Variants in ZNF837 observed in about 807,000 individuals in gnomAD.
The protein encoded by ZNF837 is zinc finger protein 837.
For synonymous variants in ZNF837, 475 were observed against 365.2 expected (o/e 1.30, Z -3.43); for missense variants, 955 against 801.7 (o/e 1.19, Z -2.31).
chr19:58,378,794 T>C lies in ZNF837; in HGVS notation c.-140+2147A>G, dbSNP rs796513267. On this transcript the variant is annotated intron_variant, in intron 1 of 2. Transcript: ENST00000597582. ...CTAATTCCAATGACAGGTGTCCTTA[T>C]GAAGGAGGCAAAGGGAGTTCTGACA... Among the ~76,000 whole-genome samples, 5 of 152,312 alleles carry C rather than the reference T, an allele frequency of 3.3e-5. 1 individual carries two copies. The highest frequency in any genetic ancestry group is 1.2e-4 in the African/African-American group (5 of 41,554).
Position 58,368,152 on chromosome 19 carries a change from G to C in ZNF837, c.1181C>G (p.Pro394Arg), listed in dbSNP as rs2052156331. The change falls in exon 3 of 3, where the codon CCC (proline) becomes CGC (arginine). Residue 394 changes from proline (P) to arginine (R), a missense_variant. Coordinates refer to ENST00000597582, the MANE Select transcript of ZNF837 (RefSeq NM_138466.2). ...VHTGEKPYAC[P>R]ECGKAFNQRS... ...CTGGTTGAAGGCCTTGCCGCACTCG[G>C]GGCACGCGTAGGGCTTCTCGCCGGT... 1 of 1,585,564 alleles carries C rather than the reference G, an allele frequency of 6.3e-7. No homozygotes were observed. Among genetic ancestry groups the C allele is most frequent in the South Asian group, 1.1e-5 (1 of 88,216 alleles).
chr19:58,376,349 G>A (rs1013587108), intron 1 of ZNF837, among the ~76,000 whole-genome samples: 1 of 151,730 alleles, frequency 6.6e-6, no homozygotes, highest in Admixed American at 6.6e-5. Context: ...TCAAGAGATC[G>A]AGACCATCCT....
chr19:58,375,302 ATATATATAT>A (rs2052234900), intron 1 of ZNF837, among the ~76,000 whole-genome samples: 4 of 70,722 alleles, frequency 5.7e-5, no homozygotes, highest in African/African-American at 1.2e-4. Context: ...ATATATATAT[ATATATATAT>A]AAAATTACAT....
At position 58,367,987 on chromosome 19, in the gene ZNF837, C is replaced by A; in HGVS notation, c.1346G>T (p.Cys449Phe). The change falls in exon 3 of 3, where the codon TGC (cysteine) becomes TTC (phenylalanine). Residue 449 changes from cysteine to phenylalanine, a missense_variant. Transcript: ENST00000597582. ...GCGGAAGGTCTTTCCGCACTCGGAGCAGCCATAGGGCCGCTCGCCGGTGTG... is the reference window on the plus strand; with the variant it reads ...GCGGAAGGTCTTTCCGCACTCGGAGAAGCCATAGGGCCGCTCGCCGGTGTG... ...RAHTGERPYG[C>F]SECGKTFRGC... is the part of the protein sequence containing the mutation. 6.5e-7 allele frequency: 1 copy of A among 1,532,312 alleles called. No homozygotes were observed. Among genetic ancestry groups the A allele is most frequent in the African/African-American group, 1.4e-5 (1 of 72,876 alleles). The allele number at this position is 1,532,312 out of a possible 1,614,324, so 94.9% of individuals were successfully genotyped here.
chr19:58,368,895 G>T lies in ZNF837; in HGVS notation c.438C>A (p.Asp146Glu), dbSNP rs1038782452. 6.5e-7 allele frequency: 1 copy of T among 1,548,136 alleles called. No individual in the cohort carries two copies. Among genetic ancestry groups the T allele is most frequent in the African/African-American group, 1.4e-5 (1 of 73,028 alleles). ...GGTTCTGGATCCGCTCCGGACAGGG[G>T]TCACACACGGGTGGCGTCTCCCCAG... Reference protein sequence around the residue: ...APAGETPPVCDPCPERIQNHP... With the variant: ...APAGETPPVCEPCPERIQNHP... Residue 146 changes from aspartate (D) to glutamate (E), a missense_variant, in exon 3 of 3, where the codon GAC becomes GAA. Physicochemically the swap from Asp to Glu is conservative, Grantham distance 45 (BLOSUM62 2). Coordinates refer to ENST00000597582, the MANE Select transcript of ZNF837 (RefSeq NM_138466.2).
At chr19:58,374,150 G>A (rs2122127127) in intron 1 of ZNF837, among the ~76,000 whole-genome samples, 1 of 152,350 alleles carries the variant, frequency 6.6e-6, no homozygotes, top group Admixed American at 6.5e-5. Context: ...GAAAGGTAAA[G>A]ATGGAGCTAC....
At chr19:58,375,382 T>C (rs570854938) in intron 1 of ZNF837, among the ~76,000 whole-genome samples, 27 of 146,718 alleles carry the variant, frequency 1.8e-4, no homozygotes, top group Admixed American at 1.6e-3. Flanking sequence ...ATATATATAC[T>C]AAAACCCAAC....
chr19:58,379,595 C>T (rs1054984882), intron 1 of ZNF837, among the ~76,000 whole-genome samples: 6 of 152,346 alleles, frequency 3.9e-5, no homozygotes, highest in Non-Finnish European at 7.4e-5. Flanking sequence ...GACCTCCCAC[C>T]TGCCCCAGGT....
rs1312424944 is a variant in ZNF837 at position 58,367,836 on chromosome 19, G to T, written c.1497C>A (p.Gly499=). Residue 499 remains glycine, a synonymous_variant, in exon 3 of 3, where the codon GGC becomes GGA. Transcript: ENST00000597582. The stretch of plus-strand genomic sequence containing the variant: ...AATCTCCGCACGCGTAGGGCCGCTC[G>T]CCCGTGTGCGTGCGCAGGTGGCGCA... ...SLVRHLRTHT[G]ERPYACGDCG... 2.6e-6 allele frequency: 4 copies of T among 1,535,974 alleles called. No homozygotes were observed. Among genetic ancestry groups the T allele is most frequent in the Non-Finnish European group, 3.5e-6 (4 of 1,144,876 alleles).
intron 1 of ZNF837, among the ~76,000 whole-genome samples, chr19:58,375,575 G>C (rs1046677229): frequency 6.6e-6 from 1 of 151,116 alleles, no homozygotes; most frequent in Non-Finnish European, 1.5e-5. Flanking sequence ...AGCCTCCTGA[G>C]TAGCTGGGAT....
chr19:58,373,636 G>A (rs2052219000), intron 1 of ZNF837, among the ~76,000 whole-genome samples: 1 of 152,224 alleles, frequency 6.6e-6, no homozygotes, highest in Non-Finnish European at 1.5e-5. Context: ...TCTTGACCAT[G>A]CAGCTTCCCA....
chr19:58,372,915 G>A (rs192578790), intron 1 of ZNF837, among the ~76,000 whole-genome samples: 301 of 152,318 alleles, frequency 2.0e-3, no homozygotes, highest in Non-Finnish European at 3.4e-3. Flanking sequence ...CTGCTGGCCT[G>A]AGCTGGAGAG....
At chr19:58,372,978 T>C (rs1262584855) in intron 1 of ZNF837, among the ~76,000 whole-genome samples, 1 of 152,140 alleles carries the variant, frequency 6.6e-6, no homozygotes, top group Non-Finnish European at 1.5e-5. Flanking sequence ...GGCCAGGCAT[T>C]TGCTAATAAG....
At position 58,368,380 on chromosome 19, in the gene ZNF837, T is replaced by G; in HGVS notation, c.953A>C (p.Gln318Pro). 9.8e-6 allele frequency: 15 copies of G among 1,535,680 alleles called. No individual in the cohort carries two copies. Among genetic ancestry groups the G allele is most frequent in the Non-Finnish European group, 1.3e-5 (15 of 1,144,478 alleles). ...FVRCSGLYRH[Q>P]KTHSAERHRR... ...GTGGCGCTCGGCCGAGTGCGTCTTC[T>G]GGTGGCGGTACAGGCCGGAGCAGCG... Residue 318 changes from glutamine to proline, a missense_variant, in exon 3 of 3, where the codon CAG (glutamine) becomes CCG (proline). Coordinates refer to ENST00000597582, the MANE Select transcript of ZNF837 (RefSeq NM_138466.2).
chr19:58,372,448 ACGAGGT>A (rs1480254833), intron 1 of ZNF837, among the ~76,000 whole-genome samples: 1 of 152,070 alleles, frequency 6.6e-6, no homozygotes, highest in African/African-American at 2.4e-5. Context: ...GGGGCGGATC[ACGAGGT>A]CAAGAGATCG....
At chr19:58,375,824 G>T (rs10405927) in intron 1 of ZNF837, among the ~76,000 whole-genome samples, 87 of 151,408 alleles carry the variant, frequency 5.7e-4, no homozygotes, top group African/African-American at 2.0e-3. Flanking sequence ...GTCAGGCGTC[G>T]GCCCACCCTG....
intron 1 of ZNF837, among the ~76,000 whole-genome samples, chr19:58,373,076 C>T (rs1337493149): frequency 6.6e-6 from 1 of 152,216 alleles, no homozygotes; most frequent in Non-Finnish European, 1.5e-5. Context: ...CACAACCCTC[C>T]TGTCCCCTCC....
rs1274083856 is a variant in ZNF837, at chr19:58,367,744, G to A, written c.1589C>T (p.Ala530Val). The A allele has an allele frequency of 2.6e-6, 4 of 1,520,890 alleles. No individual in the cohort carries two copies. Among genetic ancestry groups the A allele is most frequent in the Non-Finnish European group, 3.5e-6 (4 of 1,140,690 alleles). 94.2% of individuals were successfully genotyped at this position (1,520,890 alleles called of 1,614,324 possible). ...EHRKRHGGRA[A>V]P ...ACTCTCGGCTCCCTGCAGTCAAGGC[G>A]CGGCGCGGCCCCCGTGCCGCTTCCG... The change falls in exon 3 of 3, where the codon GCG (alanine) becomes GTG (valine). Residue 530 changes from alanine (A) to valine (V), a missense_variant. Physicochemically the swap from Ala to Val is moderately conservative, Grantham distance 64. Transcript: ENST00000597582.
At position 58,367,722 on chromosome 19, in the gene ZNF837, C is replaced by T. The variant is rs144600173; in HGVS notation, c.*15G>A. The T allele has an allele frequency of 3.4e-4, 514 of 1,493,670 alleles. 1 individual carries two copies. The African/African-American group carries it at 6.2e-3, about 18-fold the overall frequency. 92.5% of individuals were successfully genotyped at this position (1,493,670 alleles called of 1,614,324 possible). ...GGTTCGCTTGGGCGACGCGTCGACT[C>T]TCGGCTCCCTGCAGTCAAGGCGCGG... is the stretch of plus-strand genomic sequence containing the variant. On this transcript the variant is annotated 3_prime_UTR_variant, in exon 3 of 3. Coordinates refer to ENST00000597582, the MANE Select transcript of ZNF837 (RefSeq NM_138466.2).
Sources: gnomAD v4.1 joint callset for allele counts (sites outside exome capture counted in the v4.1 genomes callset) on GRCh38, gnomAD v4.1.1 for gene constraint, MANE v1.5 for transcripts, NCBI Gene and HGNC (gene_info 2026-07-23, HGNC 2026-07-21) for gene names.